Variants in SCAF11 observed in about 807,000 individuals in gnomAD.
The protein encoded by SCAF11 is SR-related CTD associated factor 11, also known as protein SCAF11.
SCAF11 carries 47 observed loss-of-function variants against 140.5 expected under a neutral mutation model. That is an observed-to-expected ratio of 0.33 (90% confidence interval 0.26 to 0.43). SCAF11 has a LOEUF of 0.43. Among genes scored for constraint, SCAF11 ranks in the 20% least tolerant of loss-of-function variants. The probability of loss-of-function intolerance (pLI) is 1.00; values close to 1 mark genes in which losing one functional copy is unlikely to be tolerated. For synonymous variants in SCAF11, 557 were observed against 579.4 expected, an observed-to-expected ratio of 0.96 and a Z score of 0.55; for missense variants, 1,645 against 1,705.1, an observed-to-expected ratio of 0.96 and a Z score of 0.62.
In SCAF11 at chr12:45,930,445, G is replaced by GTTT. The variant is rs1262102132; in HGVS notation, c.841+1058_841+1060dup. Among the ~76,000 whole-genome samples the GTTT allele has an allele frequency of 4.3e-4, 53 of 123,700 alleles. 1 individual carries two copies. Among genetic ancestry groups the GTTT allele is most frequent in the African/African-American group, 1.6e-3 (47 of 28,730 alleles). The allele number at this position is 123,700 out of a possible 152,430, so 81.2% of individuals were successfully genotyped here. ...TAAACCAGGTTTTGCGTTGTGTTTT[G>GTTT]TTTTTTTTTTGTTTTTTTTTTTTTT... On this transcript the variant is annotated intron_variant, in intron 10 of 14. Transcript: ENST00000369367.
At chr12:45,930,440 G>GGT (rs376228492) in intron 10 of SCAF11, among the ~76,000 whole-genome samples, 1 of 140,442 alleles carries the variant, frequency 7.1e-6, no homozygotes, top group African/African-American at 2.8e-5. Context: ...TTTGCGTTGT[G>GGT]TTTTGTTTTT....
intron 5 of SCAF11, among the ~76,000 whole-genome samples, chr12:45,946,150 A>G (rs928225082): frequency 6.6e-6 from 1 of 152,196 alleles, no homozygotes; most frequent in African/African-American, 2.4e-5. Flanking sequence ...CTCAGTTACC[A>G]TTCTCTACAA....
chr12:45,969,316 A>G (rs1946022707), intron 1 of SCAF11, among the ~76,000 whole-genome samples: 1 of 152,072 alleles, frequency 6.6e-6, no homozygotes, highest in Non-Finnish European at 1.5e-5. Flanking sequence ...TTGGTTTCAA[A>G]TTACTACCCT....
intron 6 of SCAF11, among the ~76,000 whole-genome samples, chr12:45,936,244 C>A (rs1344586789): frequency 6.6e-6 from 1 of 151,834 alleles, no homozygotes; most frequent in Non-Finnish European, 1.5e-5. Context: ...CAGGTTCAAG[C>A]AATTCTCCTG....
intron 3 of SCAF11, among the ~76,000 whole-genome samples, chr12:45,959,662 G>A (rs1049358726): frequency 1.3e-5 from 2 of 152,180 alleles, no homozygotes; most frequent in African/African-American, 4.8e-5. Flanking sequence ...TACATGCTTT[G>A]AAACATATCT....
Position 45,926,906 on chromosome 12 carries a change from C to A in SCAF11, c.2795G>T (p.Trp932Leu), listed in dbSNP as rs1944882465. 1 of 1,613,446 alleles carries A rather than the reference C, an allele frequency of 6.2e-7. No homozygotes were observed. The highest frequency in any genetic ancestry group is 1.3e-5 in the African/African-American group (1 of 75,032). ...CCTAGAATGAGATCTGGACCTAGAC[C>A]ACTTTCTGGTTCTCCTTTCTCTCTC... is the stretch of plus-strand genomic sequence containing the variant. ...RRERERRTRK[W>L]SRSRSHSRSP... Residue 932 changes from tryptophan (W) to leucine (L), a missense_variant, in exon 11 of 15, where the codon TGG becomes TTG. Coordinates refer to ENST00000369367, the MANE Select transcript of SCAF11 (RefSeq NM_004719.3).
intron 6 of SCAF11, among the ~76,000 whole-genome samples, chr12:45,934,799 C>T (rs940395970): frequency 3.3e-5 from 5 of 152,172 alleles, no homozygotes; most frequent in African/African-American, 9.7e-5. Flanking sequence ...TTTCTGCTAC[C>T]TTATGCAAAC....
chr12:45,924,568 GAGA>G (rs1298428466), intron 12 of SCAF11, among the ~76,000 whole-genome samples, 157 bp downstream of exon 12: 4 of 152,190 alleles, frequency 2.6e-5, no homozygotes, highest in Non-Finnish European at 4.4e-5. Context: ...GGGGGGTTTT[GAGA>G]AGGATAGTGA....
chr12:45,948,522 G>GC lies in SCAF11; in HGVS notation c.312_313insG (p.Gln105AlafsTer11). ...TTCTTGTCTTTTGTTTCTCTCAGCT[G>GC]TTTTTTTACTTGAACCTATGAGAAA... is the stretch of plus-strand genomic sequence containing the variant. On this transcript the variant is annotated frameshift_variant, in exon 5 of 15. Transcript: ENST00000369367. LOFTEE classifies it high-confidence loss of function. 1 of 1,608,578 alleles carries GC rather than the reference G, an allele frequency of 6.2e-7. No individual in the cohort carries two copies. The highest frequency in any genetic ancestry group is 8.5e-7 in the Non-Finnish European group (1 of 1,177,188).
chr12:45,970,063 T>C (rs1405610908), intron 1 of SCAF11, among the ~76,000 whole-genome samples: 1 of 152,204 alleles, frequency 6.6e-6, no homozygotes, highest in Non-Finnish European at 1.5e-5. Context: ...GCCCAGCTAA[T>C]TTTTGTATTT....
intron 5 of SCAF11, among the ~76,000 whole-genome samples, chr12:45,946,769 T>C (rs151048452): frequency 2.0e-5 from 3 of 152,310 alleles, no homozygotes; most frequent in African/African-American, 4.8e-5. Context: ...TTATCTACTA[T>C]GTAAATACAA....
At chr12:45,990,811 G>A (rs1056725695), upstream of SCAF11, among the ~76,000 whole-genome samples, 3 of 152,230 alleles carry the variant, frequency 2.0e-5, no homozygotes, top group African/African-American at 7.2e-5. Flanking sequence ...GTGGAGTCAC[G>A]TCACGCGGCC....
rs557559926 is a variant in SCAF11 at position 45,921,344 on chromosome 12, A to G, written c.*704T>C. 4.6e-5 allele frequency: 7 copies of G among 152,754 alleles called. No individual in the cohort carries two copies. Among genetic ancestry groups the G allele is most frequent in the African/African-American group, 1.4e-4 (6 of 41,568 alleles). 9.5% of individuals were successfully genotyped at this position (152,754 alleles called of 1,614,324 possible). ...TCTTCAACAAAGACTTTGAACTGCC[A>G]AAGTTGTAATCTAGTAAGTCAAACT... On this transcript the variant is annotated 3_prime_UTR_variant, in exon 15 of 15. Transcript: ENST00000369367.
chr12:45,967,019 C>T (rs895510437), intron 1 of SCAF11, among the ~76,000 whole-genome samples: 1 of 152,076 alleles, frequency 6.6e-6, no homozygotes, highest in African/African-American at 2.4e-5. Flanking sequence ...ATTTATTTGT[C>T]CTATTTAATA....
At chr12:45,936,593 T>TG (rs1402158988) in intron 6 of SCAF11, among the ~76,000 whole-genome samples, 25 of 152,246 alleles carry the variant, frequency 1.6e-4, no homozygotes, top group Admixed American at 1.4e-3. Flanking sequence ...CCATAAGGTT[T>TG]GTTCCCCACT....
intron 6 of SCAF11, among the ~76,000 whole-genome samples, chr12:45,936,666 T>C (rs187762736): frequency 1.6e-3 from 240 of 152,136 alleles, no homozygotes; most frequent in East Asian, 6.4e-3. Flanking sequence ...AAAGCTGCTG[T>C]TCAATAGTCA....
rs1211463458 is a variant in SCAF11, at chr12:45,922,547, T to C, written c.4161A>G (p.Val1387=). 3 of 1,598,946 alleles carry C rather than the reference T, an allele frequency of 1.9e-6. No homozygotes were observed. Among genetic ancestry groups the C allele is most frequent in the Non-Finnish European group, 2.5e-6 (3 of 1,177,014 alleles). The part of the protein sequence containing the change: ...LQIQEKAAQE[V]KLAIKPFYQN... The stretch of plus-strand genomic sequence containing the variant: ...GGTAAAATGGCTTGATGGCCAATTT[T>C]ACCTCTTGTGCTGCTTTTTCTTGAA... Residue 1387 remains valine (V), a synonymous_variant, in exon 14 of 15, where the codon GTA becomes GTG. Transcript: ENST00000369367.
At chr12:45,941,925 C>G (rs1490125344) in intron 6 of SCAF11, among the ~76,000 whole-genome samples, 3 of 152,184 alleles carry the variant, frequency 2.0e-5, no homozygotes, top group African/African-American at 7.2e-5. Flanking sequence ...CCATCCAAGA[C>G]AGCAAGACCA....
At chr12:45,988,551 A>T (rs140805444) in intron 1 of SCAF11, among the ~76,000 whole-genome samples, 1 of 152,224 alleles carries the variant, frequency 6.6e-6, no homozygotes, top group African/African-American at 2.4e-5. Flanking sequence ...CGATCTTAAC[A>T]CACTAGCCCT....
Sources: gnomAD v4.1 joint callset for allele counts (sites outside exome capture counted in the v4.1 genomes callset) on GRCh38, gnomAD v4.1.1 for gene constraint, MANE v1.5 for transcripts, NCBI Gene and HGNC (gene_info 2026-07-23, HGNC 2026-07-21) for gene names.